Variants in TCEANC2 observed in about 807,000 individuals in gnomAD.
The protein encoded by TCEANC2 is transcription elongation factor A N-terminal and central domain containing 2, also known as transcription elongation factor A N-terminal and central domain-containing protein 2.
TCEANC2 carries 20 observed loss-of-function variants against 22.8 expected under a neutral mutation model. That is an observed-to-expected ratio of 0.88 (90% confidence interval 0.62 to 1.28). The LOEUF is 1.28. Among genes scored for constraint, TCEANC2 ranks in the 50% most tolerant of loss-of-function variants. The pLI, the probability that TCEANC2 is intolerant of heterozygous loss-of-function variation, is 0.00. For synonymous variants in TCEANC2, 84 were observed against 95.5 expected, an observed-to-expected ratio of 0.88 and a Z score of 0.70; for missense variants, 251 against 249.7, an observed-to-expected ratio of 1.01 and a Z score of -0.03.
chr1:54,096,160 A>C lies in TCEANC2; in HGVS notation c.439-125A>C. The C allele has an allele frequency of 7.2e-7, 1 of 1,380,300 alleles. No homozygotes were observed. Among genetic ancestry groups the C allele is most frequent in the Non-Finnish European group, 9.6e-7 (1 of 1,042,182 alleles). 85.5% of individuals were successfully genotyped at this position (1,380,300 alleles called of 1,614,324 possible). A position where few individuals can be genotyped will look rare whatever the true frequency, so the allele number is the denominator to read the frequency against. ...TTGCTCTTCCTGTTTCTCTTGTGAC[A>C]GGAAGTAGATGTCCTTGAATTTCAG... On this transcript the variant is annotated intron_variant, in intron 4 of 4. Coordinates refer to ENST00000234827, the MANE Select transcript of TCEANC2 (RefSeq NM_153035.3). This position sits in a 1 kb window ranked among gnomAD's most constrained non-coding sequence, Gnocchi z 4.9.
chr1:54,112,326 C>T (rs1017092612), exon 5 of TCEANC2: 1 of 152,168 alleles, frequency 6.6e-6, no homozygotes, highest in Non-Finnish European at 1.5e-5. Flanking sequence ...GATGGTGCCA[C>T]TACACTCCAG....
intron 2 of TCEANC2, 80 bp downstream of exon 2, chr1:54,054,604 C>A: frequency 7.2e-7 from 1 of 1,388,848 alleles, no homozygotes; most frequent in African/African-American, 1.4e-5. Flanking sequence ...TGTGGAAAGA[C>A]CTATGAATTA....
intron 3 of TCEANC2, among the ~76,000 whole-genome samples, chr1:54,073,493 A>AT (rs1394065751): frequency 6.6e-6 from 1 of 152,112 alleles, no homozygotes; most frequent in Non-Finnish European, 1.5e-5. Context: ...AGCCCTTAGG[A>AT]TAACCCCACC....
intron 3 of TCEANC2, among the ~76,000 whole-genome samples, chr1:54,080,206 C>G (rs1399556433): frequency 6.7e-6 from 1 of 149,094 alleles, no homozygotes; most frequent in Admixed American, 6.7e-5. Context: ...TCCGGTGGTG[C>G]GATCTTGGCG....
chr1:54,068,254 ACT>A (rs1366263726), intron 2 of TCEANC2, among the ~76,000 whole-genome samples: 1 of 152,118 alleles, frequency 6.6e-6, no homozygotes, highest in Non-Finnish European at 1.5e-5. Flanking sequence ...ATAGTGGGTT[ACT>A]CTCTGTATCT....
intron 4 of TCEANC2, among the ~76,000 whole-genome samples, chr1:54,095,437 C>T (rs1390013743): frequency 6.6e-6 from 1 of 152,026 alleles, no homozygotes; most frequent in African/African-American, 2.4e-5. Flanking sequence ...TGAAGATGGG[C>T]CTGGAAAGGA....
chr1:54,080,371 T>C (rs1658217124), intron 3 of TCEANC2, among the ~76,000 whole-genome samples: 1 of 152,104 alleles, frequency 6.6e-6, no homozygotes, highest in Non-Finnish European at 1.5e-5. Flanking sequence ...GTCGAACTCC[T>C]GGCCTCATGT....
At chr1:54,063,314 G>A (rs1277925013) in intron 2 of TCEANC2, among the ~76,000 whole-genome samples, 1 of 152,000 alleles carries the variant, frequency 6.6e-6, no homozygotes, top group Non-Finnish European at 1.5e-5. Flanking sequence ...GGTCTTAGAT[G>A]GAAAAAGAGT....
intron 3 of TCEANC2, among the ~76,000 whole-genome samples, chr1:54,080,588 T>C (rs964915615): frequency 3.3e-5 from 5 of 152,226 alleles, no homozygotes; most frequent in Non-Finnish European, 7.3e-5. Context: ...ATAACACCTT[T>C]TTGTGTGCAT....
At chr1:54,079,904 G>A (rs1658206452) in intron 3 of TCEANC2, among the ~76,000 whole-genome samples, 1 of 152,080 alleles carries the variant, frequency 6.6e-6, no homozygotes, top group Non-Finnish European at 1.5e-5. Context: ...TGTTATTCCT[G>A]TCTCCTTGAG....
Position 54,098,098 on chromosome 1 carries a change from C to G in TCEANC2, c.*1625C>G, listed in dbSNP as rs1245702151. The G allele has an allele frequency of 6.6e-6, 1 of 152,202 alleles. No homozygotes were observed. The highest frequency in any genetic ancestry group is 1.5e-5 in the Non-Finnish European group (1 of 68,042). The allele number at this position is 152,202 out of a possible 1,614,324, so 9.4% of individuals were successfully genotyped here. ...TCAAGCATCATTTACATGCTGATGA[C>G]ATTCCAGTTTGTATCGTCAGCCCAG... On this transcript the variant is annotated 3_prime_UTR_variant, in exon 5 of 5. Transcript: ENST00000234827.
chr1:54,088,398 T>A (rs1161275110), intron 3 of TCEANC2, among the ~76,000 whole-genome samples, 199 bp from the exon 4 acceptor site: 1 of 152,222 alleles, frequency 6.6e-6, no homozygotes, highest in Non-Finnish European at 1.5e-5. Flanking sequence ...ACTTAATTCA[T>A]TGGCTAGGCT....
chr1:54,099,887 G>A lies in TCEANC2; in HGVS notation c.*3414G>A, dbSNP rs1658628637. 6.6e-6 allele frequency: 1 copy of A among 152,238 alleles called. No individual in the cohort carries two copies. The highest frequency in any genetic ancestry group is 1.5e-5 in the Non-Finnish European group (1 of 68,078). 9.4% of individuals were successfully genotyped at this position (152,238 alleles called of 1,614,324 possible). On this transcript the variant is annotated 3_prime_UTR_variant, in exon 5 of 5. Coordinates refer to ENST00000234827, the MANE Select transcript of TCEANC2 (RefSeq NM_153035.3). ...CAGTTGCTAGGGGAAATGTGGGAAA[G>A]TAAATACCATTTGTGTCTGCTCTAA...
chr1:54,087,438 TGA>T (rs1468674011), intron 3 of TCEANC2, among the ~76,000 whole-genome samples: 1 of 152,240 alleles, frequency 6.6e-6, no homozygotes, highest in African/African-American at 2.4e-5. Context: ...GTGTTGTTGC[TGA>T]GGTATTTTAA....
At chr1:54,080,167 A>G (rs1196701066) in intron 3 of TCEANC2, among the ~76,000 whole-genome samples, 1 of 145,448 alleles carries the variant, frequency 6.9e-6, no homozygotes, top group Non-Finnish European at 1.5e-5. Context: ...TTTTTTTGAG[A>G]CAGTCTCACT....
intron 4 of TCEANC2, among the ~76,000 whole-genome samples, chr1:54,095,945 A>C (rs569487469): frequency 3.3e-5 from 5 of 152,326 alleles, no homozygotes; most frequent in South Asian, 2.1e-4. Flanking sequence ...CAAAACAAAA[A>C]AAAATATGAA....
At chr1:54,090,494 C>T (rs748261034) in intron 4 of TCEANC2, among the ~76,000 whole-genome samples, 7 of 152,116 alleles carry the variant, frequency 4.6e-5, no homozygotes, top group Non-Finnish European at 1.0e-4. Flanking sequence ...TAATTATTTA[C>T]ATTTGTGTTC....
At position 54,088,655 on chromosome 1, in the gene TCEANC2, A is replaced by G; in HGVS notation, c.303A>G (p.Arg101=). The G allele has an allele frequency of 6.2e-7, 1 of 1,609,300 alleles. No individual in the cohort carries two copies. Among genetic ancestry groups the G allele is most frequent in the East Asian group, 2.2e-5 (1 of 44,682 alleles). ...ATTCAGAAGTGGCTTCTCTTGCCAG[A>G]GAAGTTTACACTGAGTGGAAAACTT... ...HSDSEVASLA[R]EVYTEWKTFT... Residue 101 remains arginine (R), a synonymous_variant, in exon 4 of 5, where the codon AGA becomes AGG. Transcript: ENST00000234827.
chr1:54,093,094 A>G (rs890830720), intron 4 of TCEANC2, among the ~76,000 whole-genome samples: 1 of 152,214 alleles, frequency 6.6e-6, no homozygotes, highest in African/African-American at 2.4e-5. Flanking sequence ...AGTAAGGCCC[A>G]TGGAGAAGAG....
Sources: allele counts gnomAD v4.1 joint callset (sites outside exome capture counted in the v4.1 genomes callset), GRCh38; gene constraint gnomAD v4.1.1; non-coding constraint Gnocchi (gnomAD v3.1); transcripts MANE v1.5; gene names NCBI Gene and HGNC (gene_info 2026-07-23, HGNC 2026-07-21).